Variants in RERE observed in about 807,000 individuals in gnomAD.
The protein encoded by RERE is arginine-glutamic acid dipeptide repeats protein.
Under a neutral mutation model 146.1 loss-of-function variants are expected in RERE, and 40 were observed. The ratio of observed to expected loss-of-function variants is 0.27; its 90% CI spans 0.21 to 0.36. The LOEUF (loss-of-function observed/expected upper bound fraction) is 0.36, where lower values mean the gene tolerates loss of function less well. RERE is among the 10% of genes least tolerant of loss of function. The pLI, the probability that RERE is intolerant of heterozygous loss-of-function variation, is 1.00. For missense variants in RERE, 1,933 were observed against 2,138.7 expected (o/e 0.90, Z 1.90); for synonymous variants, 1,003 against 866.0 (o/e 1.16, Z -2.78).
At chr1:8,467,640 C>A (rs1644617624) in intron 10 of RERE, among the ~76,000 whole-genome samples, 1 of 152,138 alleles carries the variant, frequency 6.6e-6, no homozygotes, top group South Asian at 2.1e-4. Flanking sequence ...CATTCATTTT[C>A]TTTTATTTTT....
rs1048405447 is a variant in RERE at position 8,355,009 on chromosome 1, C to T, written c.*78G>A. On this transcript the variant is annotated 3_prime_UTR_variant, in exon 23 of 23. Transcript: ENST00000400908. ...GAAGATATTCTTTTTGCTTTTGCAGCTCCTATTTTATGTAAAAAGTCCTGT... is the reference window on the plus strand; with the variant it reads ...GAAGATATTCTTTTTGCTTTTGCAGTTCCTATTTTATGTAAAAAGTCCTGT... The T allele has an allele frequency of 1.5e-5, 18 of 1,182,654 alleles. No homozygotes were observed. The African/African-American group carries it at 2.2e-4, about 14-fold the overall frequency. 73.3% of individuals were successfully genotyped at this position (1,182,654 alleles called of 1,614,324 possible). A position where few individuals can be genotyped will look rare whatever the true frequency, so the allele number is the denominator to read the frequency against.
chr1:8,640,693 C>T (rs1208966724), intron 2 of RERE, among the ~76,000 whole-genome samples: 2 of 152,084 alleles, frequency 1.3e-5, no homozygotes, highest in Non-Finnish European at 2.9e-5. Context: ...GACAAATAGT[C>T]ATTATGTATG....
At chr1:8,394,491 A>C (rs1642984454) in intron 12 of RERE, among the ~76,000 whole-genome samples, 1 of 152,254 alleles carries the variant, frequency 6.6e-6, no homozygotes, top group African/African-American at 2.4e-5. Flanking sequence ...AGAAAACTAA[A>C]GCACAGAGAG....
chr1:8,525,929 T>C (rs528043980), intron 7 of RERE: 330 of 1,382,544 alleles, frequency 2.4e-4, no homozygotes, highest in Non-Finnish European at 3.0e-4. Context: ...GCTTGTGCTA[T>C]GACCTAAGCC....
intron 4 of RERE, among the ~76,000 whole-genome samples, chr1:8,574,340 C>CTTTTTTTTTTTTTTTTTTTTTTT (rs35921166): frequency 1.1e-5 from 1 of 87,218 alleles, no homozygotes; most frequent in Non-Finnish European, 2.1e-5. Flanking sequence ...TATATATAGT[C>CTTTTTTTTTTTTTTTTTTTTTTT]TTTTTTTTTT....
At chr1:8,488,746 A>T (rs1644937734) in intron 10 of RERE, among the ~76,000 whole-genome samples, 1 of 152,192 alleles carries the variant, frequency 6.6e-6, no homozygotes, top group Admixed American at 6.6e-5. Flanking sequence ...AATCCAGAAA[A>T]AGATCCAAAC....
chr1:8,518,172 G>A (rs973429641), intron 7 of RERE, among the ~76,000 whole-genome samples: 4 of 152,236 alleles, frequency 2.6e-5, no homozygotes, highest in African/African-American at 9.6e-5. Context: ...TACAAGGGAA[G>A]ATGAGGGAGG....
chr1:8,790,983 C>A (rs1641354231), intron 1 of RERE, among the ~76,000 whole-genome samples: 1 of 152,148 alleles, frequency 6.6e-6, no homozygotes, highest in Non-Finnish European at 1.5e-5. Context: ...AACTCCTTTT[C>A]CAAAGAAGGG....
chr1:8,438,430 T>G (rs1414462062), intron 11 of RERE, among the ~76,000 whole-genome samples: 1 of 152,216 alleles, frequency 6.6e-6, no homozygotes, highest in East Asian at 1.9e-4. Flanking sequence ...TTTCAAAATG[T>G]TTTCATAAAC....
chr1:8,383,418 G>A (rs1642524368), intron 12 of RERE, among the ~76,000 whole-genome samples: 1 of 151,950 alleles, frequency 6.6e-6, no homozygotes, highest in African/African-American at 2.4e-5. Flanking sequence ...TGGGGTTTGT[G>A]AGCCGTCCTT....
chr1:8,564,824 A>ATG (rs1182779393), intron 4 of RERE, among the ~76,000 whole-genome samples: 98 of 48,836 alleles, frequency 2.0e-3, no homozygotes, highest in Non-Finnish European at 1.6e-3. Context: ...ATGTGTGTGT[A>ATG]TATGTGTATG....
intron 1 of RERE, among the ~76,000 whole-genome samples, chr1:8,771,084 C>G (rs1464910338): frequency 6.6e-6 from 1 of 152,004 alleles, no homozygotes; most frequent in South Asian, 2.1e-4. Flanking sequence ...AAAATAACTA[C>G]AGCAGTCAGA....
rs181208474 is a variant in RERE at position 8,489,389 on chromosome 1, A to T, written c.1104+5674T>A. On this transcript the variant is annotated intron_variant, in intron 10 of 22. Coordinates refer to ENST00000400908, the MANE Select transcript of RERE (RefSeq NM_001042681.2). Reference sequence around the variant, plus strand: ...AGAAAAAGGAAAAAAAAATTTTTTTAAAAGAATGAAAAAAAGTCATGGTAT... The same window carrying T: ...AGAAAAAGGAAAAAAAAATTTTTTTTAAAGAATGAAAAAAAGTCATGGTAT... Among the ~76,000 whole-genome samples the T allele has an allele frequency of 5.4e-4, 82 of 152,042 alleles. 1 individual carries two copies. The highest frequency in any genetic ancestry group is 1.6e-3 in the African/African-American group (67 of 41,524).
intron 1 of RERE, among the ~76,000 whole-genome samples, chr1:8,683,055 A>AG (rs1639007425): frequency 6.9e-6 from 1 of 144,874 alleles, no homozygotes; most frequent in Admixed American, 7.0e-5. Context: ...AAAAAAAAAA[A>AG]GAATGGAACT....
chr1:8,580,875 G>C (rs1241832283), intron 4 of RERE, among the ~76,000 whole-genome samples: 1 of 151,860 alleles, frequency 6.6e-6, no homozygotes, highest in Non-Finnish European at 1.5e-5. Context: ...TTTTGTTTTT[G>C]TAGAGAAGAG....
At chr1:8,440,789 G>A (rs757493151) in intron 11 of RERE, among the ~76,000 whole-genome samples, 29 of 150,792 alleles carry the variant, frequency 1.9e-4, no homozygotes, top group Non-Finnish European at 3.4e-4. Flanking sequence ...CCACCTACTT[G>A]GGGAGGCTGA....
intron 1 of RERE, chr1:8,798,655 CAAG>C: frequency 4.7e-6 from 1 of 214,862 alleles, no homozygotes. Flanking sequence ...CTGTTGTGGG[CAAG>C]AAGAAGATGA....
Position 8,359,967 on chromosome 1 carries a change from G to A in RERE, c.3415C>T (p.Arg1139Trp), listed in dbSNP as rs962125110. The A allele has an allele frequency of 5.6e-6, 9 of 1,612,708 alleles. No homozygotes were observed. Among genetic ancestry groups the A allele is most frequent in the Admixed American group, 1.7e-5 (1 of 60,006 alleles). ...QSARFYKHLDRGYNSCARTDL... is the reference protein window; with the variant it reads ...QSARFYKHLDWGYNSCARTDL... ...GTCCGGGCACACGAGTTGTAGCCCC[G>A]GTCCAGGTGTTTGTAGAACCTGAGA... Residue 1139 changes from arginine to tryptophan, a missense_variant, in exon 19 of 23, where the codon CGG (arginine) becomes TGG (tryptophan). Physicochemically the swap from Arg to Trp is moderately radical, Grantham distance 101 (BLOSUM62 -3). Transcript: ENST00000400908.
intron 1 of RERE, among the ~76,000 whole-genome samples, chr1:8,749,996 A>C (rs1371512261): frequency 6.6e-6 from 1 of 152,046 alleles, no homozygotes; most frequent in East Asian, 1.9e-4. Flanking sequence ...TACTAAAAAT[A>C]CAAAAATTAA....
Sources: allele counts gnomAD v4.1 joint callset (sites outside exome capture counted in the v4.1 genomes callset), GRCh38; gene constraint gnomAD v4.1.1; transcripts MANE v1.5; gene names NCBI Gene and HGNC (gene_info 2026-07-23, HGNC 2026-07-21).